FAM107B: variants seen among roughly 807,000 people sequenced by gnomAD.
The protein encoded by FAM107B is family with sequence similarity 107 member B.
In FAM107B, 21 loss-of-function variants were observed where a neutral mutation model predicts 31.5. That is an observed-to-expected ratio of 0.67 (90% CI 0.47 to 0.96). The LOEUF (loss-of-function observed/expected upper bound fraction) is 0.96. FAM107B is among the 40% of genes least tolerant of loss of function. FAM107B has a pLI of 0.00. For missense variants in FAM107B, 452 were observed against 377.1 expected (o/e 1.20, Z -1.64); for synonymous variants, 157 against 141.5 (o/e 1.11, Z -0.78).
At chr10:14,677,550 G>A (rs1319088926) in intron 1 of FAM107B, among the ~76,000 whole-genome samples, 1 of 152,162 alleles carries the variant, frequency 6.6e-6, no homozygotes, top group Non-Finnish European at 1.5e-5. Flanking sequence ...GAACCCGGGA[G>A]GCGGAGCTTG....
At chr10:14,719,229 C>T (rs975713182) in intron 1 of FAM107B, among the ~76,000 whole-genome samples, 6 of 152,136 alleles carry the variant, frequency 3.9e-5, no homozygotes, top group Admixed American at 1.3e-4. Context: ...GGCCTGGGTT[C>T]GGGAGTCAGA....
intron 2 of FAM107B, among the ~76,000 whole-genome samples, chr10:14,651,450 A>G (rs1051190684): frequency 1.3e-5 from 2 of 152,158 alleles, no homozygotes; most frequent in Non-Finnish European, 2.9e-5. Context: ...TACTAAAAAT[A>G]CAAAATGAGC....
intron 1 of FAM107B, among the ~76,000 whole-genome samples, chr10:14,683,448 C>T (rs918519475): frequency 1.3e-5 from 2 of 152,178 alleles, no homozygotes; most frequent in African/African-American, 2.4e-5. Flanking sequence ...AAACAACATT[C>T]GTTGCACGGT....
In FAM107B at chr10:14,689,379, CAA is replaced by C. The variant is rs200283842; in HGVS notation, c.412-21690_412-21689del. Among the ~76,000 whole-genome samples, 40 of 128,654 alleles carry C rather than the reference CAA, an allele frequency of 3.1e-4. No homozygotes were observed. The East Asian group carries it at 3.5e-3, about 11-fold the overall frequency. 84.4% of individuals were successfully genotyped at this position (128,654 alleles called of 152,430 possible). On this transcript the variant is annotated intron_variant, in intron 1 of 4. Coordinates refer to ENST00000181796, the MANE Select transcript of FAM107B (RefSeq NM_031453.4). The stretch of plus-strand genomic sequence containing the variant: ...TGGGCAACAGAATAAGACCCTATCT[CAA>C]AAAAAAAAAAAAAGAATAAAAATTT...
intron 2 of FAM107B, chr10:14,548,741 G>A (rs1848956894): frequency 7.6e-6 from 6 of 790,598 alleles, no homozygotes; most frequent in South Asian, 5.7e-5. Context: ...CCAGAAAAAT[G>A]CAAATTGGCA....
chr10:14,624,254 C>T (rs907094365), intron 2 of FAM107B, among the ~76,000 whole-genome samples: 4 of 152,120 alleles, frequency 2.6e-5, no homozygotes, highest in East Asian at 1.9e-4. Context: ...CATCAGAAGA[C>T]GTGAGAAGTG....
intron 1 of FAM107B, among the ~76,000 whole-genome samples, chr10:14,747,823 T>C (rs1832755594): frequency 6.6e-6 from 1 of 152,198 alleles, no homozygotes; most frequent in South Asian, 2.1e-4. Context: ...GGCTGCCCCT[T>C]GGTGGAGGGG....
At position 14,771,408 on chromosome 10, in the gene FAM107B, C is replaced by G. The variant is rs12249527; in HGVS notation, c.411+2845G>C. ...GTTAGAAGGAACAAATTCGAGTATT[C>G]GATAGTACGGTGGAGAAGTTATAGT... On this transcript the variant is annotated intron_variant, in intron 1 of 4. Transcript: ENST00000181796. 3.3e-5 allele frequency among the ~76,000 whole-genome samples: 5 copies of G among 152,152 alleles called. No homozygotes were observed. The South Asian group carries it at 1.0e-3, about 32-fold the overall frequency.
At chr10:14,640,512 T>C (rs1264669744) in intron 2 of FAM107B, among the ~76,000 whole-genome samples, 1 of 152,146 alleles carries the variant, frequency 6.6e-6, no homozygotes, top group African/African-American at 2.4e-5. Context: ...TAGTCAACCC[T>C]GGACCAACAG....
At chr10:14,774,221 C>G (rs1640590744) in intron 1 of FAM107B, 32 bp downstream of exon 1, 2 of 1,570,378 alleles carry the variant, frequency 1.3e-6, no homozygotes, top group African/African-American at 2.7e-5. Flanking sequence ...AGCTCCATCC[C>G]GTCTATAATC....
At chr10:14,734,660 G>A (rs1856257010) in intron 1 of FAM107B, among the ~76,000 whole-genome samples, 2 of 151,898 alleles carry the variant, frequency 1.3e-5, no homozygotes, top group Admixed American at 1.3e-4. Context: ...CAGAACTTAG[G>A]GCACACCTCC....
intron 2 of FAM107B, among the ~76,000 whole-genome samples, chr10:14,648,313 T>C (rs889294239): frequency 6.6e-6 from 1 of 152,198 alleles, no homozygotes; most frequent in African/African-American, 2.4e-5. Flanking sequence ...GCAATCACTC[T>C]GGCCATTTGC....
intron 2 of FAM107B, among the ~76,000 whole-genome samples, chr10:14,658,901 T>C (rs1228354437): frequency 6.6e-6 from 1 of 152,194 alleles, no homozygotes; most frequent in African/African-American, 2.4e-5. Flanking sequence ...AAGTGAATTA[T>C]ATAATGTGTG....
intron 1 of FAM107B, among the ~76,000 whole-genome samples, chr10:14,677,428 T>A (rs1854710781): frequency 6.6e-6 from 1 of 152,188 alleles, no homozygotes; most frequent in African/African-American, 2.4e-5. Context: ...GAGACCATCC[T>A]GGCTAACACA....
At chr10:14,764,169 T>A (rs1179532595) in intron 1 of FAM107B, among the ~76,000 whole-genome samples, 1 of 152,276 alleles carries the variant, frequency 6.6e-6, no homozygotes, top group African/African-American at 2.4e-5. Flanking sequence ...CATTGTTTTA[T>A]ATCAAAAATT....
chr10:14,715,731 G>A (rs553152551), intron 1 of FAM107B, among the ~76,000 whole-genome samples: 5 of 152,294 alleles, frequency 3.3e-5, no homozygotes, highest in African/African-American at 1.2e-4. Context: ...TCCTGCCCTT[G>A]GACATCAGCA....
At chr10:14,676,299 C>T (rs1336544374) in intron 1 of FAM107B, among the ~76,000 whole-genome samples, 4 of 152,184 alleles carry the variant, frequency 2.6e-5, no homozygotes, top group African/African-American at 9.7e-5. Context: ...TACCAAGAGT[C>T]TTCCATACTG....
chr10:14,542,544 T>G (rs1288198575), intron 2 of FAM107B: 1 of 152,234 alleles, frequency 6.6e-6, no homozygotes, highest in Admixed American at 6.5e-5. Context: ...CTCAGTCACA[T>G]AGTGGTCAGC....
At chr10:14,703,114 G>A (rs1327328303) in intron 1 of FAM107B, among the ~76,000 whole-genome samples, 1 of 152,106 alleles carries the variant, frequency 6.6e-6, no homozygotes, top group Non-Finnish European at 1.5e-5. Flanking sequence ...TCCCCTCTGA[G>A]GTAAGGCCAC....
Sources: gnomAD v4.1 joint callset for allele counts (sites outside exome capture counted in the v4.1 genomes callset) on GRCh38, gnomAD v4.1.1 for gene constraint, MANE v1.5 for transcripts, NCBI Gene and HGNC (gene_info 2026-07-23, HGNC 2026-07-21) for gene names.